PDE4B: variants seen among roughly 807,000 people sequenced by gnomAD.
PDE4B encodes phosphodiesterase 4B, also known as 3',5'-cyclic-AMP phosphodiesterase 4B.
PDE4B carries 20 observed loss-of-function variants against 82.2 expected under a neutral mutation model. That is an observed-to-expected ratio of 0.24 (90% CI 0.17 to 0.35). The LOEUF is 0.35. Among genes scored for constraint, PDE4B ranks in the 10% least tolerant of loss-of-function variants. The pLI, the probability that PDE4B is intolerant of heterozygous loss-of-function variation, is 1.00. For synonymous variants in PDE4B, 320 were observed against 318.9 expected (o/e 1.00, Z -0.04); for missense variants, 655 against 907.2 (o/e 0.72, Z 3.57).
chr1:66,153,761 T>A (rs1275640364), intron 3 of PDE4B, among the ~76,000 whole-genome samples: 1 of 152,174 alleles, frequency 6.6e-6, no homozygotes, highest in African/African-American at 2.4e-5. Context: ...AGTATCTCCT[T>A]ACCTCAATAC....
intron 7 of PDE4B, chr1:66,266,942 G>A (rs1655092256): frequency 4.4e-6 from 1 of 225,272 alleles, no homozygotes; most frequent in Non-Finnish European, 9.2e-6. Flanking sequence ...TGCCTCACAT[G>A]CTTTTCTATT....
intron 1 of PDE4B, among the ~76,000 whole-genome samples, chr1:65,815,814 A>G (rs1376513909): frequency 6.6e-6 from 1 of 152,234 alleles, no homozygotes; most frequent in African/African-American, 2.4e-5. Context: ...GACAAAGTAT[A>G]TAAAAGCAAT....
At chr1:65,908,228 T>C (rs1647049230) in intron 1 of PDE4B, among the ~76,000 whole-genome samples, 1 of 152,152 alleles carries the variant, frequency 6.6e-6, no homozygotes, top group South Asian at 2.1e-4. Flanking sequence ...GGGTCTCCTC[T>C]CTCCAAGTCT....
chr1:66,106,284 A>T (rs899955715), intron 3 of PDE4B, among the ~76,000 whole-genome samples: 1 of 151,124 alleles, frequency 6.6e-6, no homozygotes, highest in African/African-American at 2.4e-5. Flanking sequence ...CCCAGGGATG[A>T]AGCCCACTTG....
chr1:65,850,894 C>T (rs150773694), intron 1 of PDE4B, among the ~76,000 whole-genome samples: 112 of 152,174 alleles, frequency 7.4e-4, no homozygotes, highest in African/African-American at 2.5e-3. Context: ...CAAATATTTT[C>T]TTTCATGTTT....
chr1:65,939,212 C>G (rs551933337), intron 3 of PDE4B, among the ~76,000 whole-genome samples: 2 of 152,234 alleles, frequency 1.3e-5, no homozygotes, highest in African/African-American at 4.8e-5. Context: ...TCCACAGATG[C>G]AGCTGAACAC....
At chr1:65,971,900 GA>G (rs748191826) in intron 3 of PDE4B, among the ~76,000 whole-genome samples, 2 of 151,990 alleles carry the variant, frequency 1.3e-5, no homozygotes, top group Non-Finnish European at 1.5e-5. Flanking sequence ...TATCAATAAT[GA>G]AAAAAGTAGG....
chr1:65,992,637 C>A, intron 3 of PDE4B: 1 of 835,874 alleles, frequency 1.2e-6, no homozygotes, highest in South Asian at 3.9e-5. Context: ...TGCAGACAAA[C>A]CTCATCCACA....
At chr1:65,875,643 C>T (rs1415516010) in intron 1 of PDE4B, among the ~76,000 whole-genome samples, 1 of 149,620 alleles carries the variant, frequency 6.7e-6, no homozygotes, top group Non-Finnish European at 1.5e-5. Context: ...GAGTTCATGT[C>T]CTTTGTAGGG....
chr1:66,180,095 GA>G (rs1647028305), intron 3 of PDE4B, among the ~76,000 whole-genome samples: 1 of 152,190 alleles, frequency 6.6e-6, no homozygotes, highest in Non-Finnish European at 1.5e-5. Context: ...AAACAGAAAT[GA>G]GTAACATGTT....
At chr1:66,043,790 AG>A (rs1423872322) in intron 3 of PDE4B, among the ~76,000 whole-genome samples, 1 of 151,760 alleles carries the variant, frequency 6.6e-6, no homozygotes, top group Non-Finnish European at 1.5e-5. Context: ...AACACAAAAC[AG>A]GCAACAGGAT....
chr1:65,824,326 A>G (rs1645990183), intron 1 of PDE4B, among the ~76,000 whole-genome samples: 1 of 152,120 alleles, frequency 6.6e-6, no homozygotes, highest in South Asian at 2.1e-4. Flanking sequence ...CAATCAACTA[A>G]CTGTACCCTT....
At chr1:66,052,411 A>G (rs1655079111) in intron 3 of PDE4B, among the ~76,000 whole-genome samples, 1 of 152,144 alleles carries the variant, frequency 6.6e-6, no homozygotes, top group Non-Finnish European at 1.5e-5. Context: ...GGGTTTCAGG[A>G]GACCCTAGAG....
chr1:66,119,323 A>C (rs1163787730), intron 3 of PDE4B, among the ~76,000 whole-genome samples: 2 of 152,148 alleles, frequency 1.3e-5, no homozygotes, highest in African/African-American at 2.4e-5. Flanking sequence ...AGCTGTACTG[A>C]GACATTCGTT....
intron 1 of PDE4B, among the ~76,000 whole-genome samples, chr1:65,852,232 TGA>T (rs1408193707): frequency 6.6e-6 from 1 of 151,978 alleles, no homozygotes; most frequent in Non-Finnish European, 1.5e-5. Flanking sequence ...TAAAATGAAA[TGA>T]GATTTTTTTC....
intron 3 of PDE4B, among the ~76,000 whole-genome samples, chr1:65,966,713 G>A (rs1474175342): frequency 1.3e-5 from 2 of 152,008 alleles, no homozygotes; most frequent in African/African-American, 4.8e-5. Context: ...TAGACCAATG[G>A]AATAGAACAG....
chr1:66,087,941 C>T (rs900233599), intron 3 of PDE4B, among the ~76,000 whole-genome samples: 32 of 151,508 alleles, frequency 2.1e-4, no homozygotes, highest in Non-Finnish European at 4.6e-4. Context: ...GTGGGTGCAG[C>T]ACACCAGCAT....
intron 3 of PDE4B, among the ~76,000 whole-genome samples, chr1:65,993,772 G>T (rs920622183): frequency 1.3e-5 from 2 of 152,078 alleles, no homozygotes; most frequent in African/African-American, 4.8e-5. Flanking sequence ...TTAAAAAAAT[G>T]GACTTTAAAA....
At chr1:65,978,901 T>C (rs1278728027) in intron 3 of PDE4B, among the ~76,000 whole-genome samples, 1 of 152,244 alleles carries the variant, frequency 6.6e-6, no homozygotes, top group Non-Finnish European at 1.5e-5. Flanking sequence ...GTATAAAATC[T>C]GTTATAATTA....
Sources: gnomAD v4.1 joint callset for allele counts (sites outside exome capture counted in the v4.1 genomes callset) on GRCh38, gnomAD v4.1.1 for gene constraint, MANE v1.5 for transcripts, NCBI Gene and HGNC (gene_info 2026-07-23, HGNC 2026-07-21) for gene names.